P3H2: variants seen among roughly 807,000 people sequenced by gnomAD.
P3H2 encodes the protein prolyl 3-hydroxylase 2.
Under a neutral mutation model 87.0 loss-of-function variants are expected in P3H2, and 80 were observed. The ratio of observed to expected loss-of-function variants is 0.92; its 90% CI spans 0.77 to 1.11. The LOEUF is 1.11. P3H2 is among the 50% of genes least tolerant of loss of function. The pLI is 0.00. For synonymous variants in P3H2, 367 were observed against 359.3 expected (o/e 1.02, Z -0.24); for missense variants, 1,001 against 923.9 (o/e 1.08, Z -1.08).
At chr3:190,105,463 G>A (rs189152720) in intron 1 of P3H2, among the ~76,000 whole-genome samples, 12 of 152,194 alleles carry the variant, frequency 7.9e-5, no homozygotes, top group African/African-American at 2.9e-4. Context: ...ATGGTTTTGA[G>A]CCTTTTATCT....
intron 1 of P3H2, among the ~76,000 whole-genome samples, chr3:190,019,532 C>A (rs919094529): frequency 6.6e-6 from 1 of 151,638 alleles, no homozygotes; most frequent in Non-Finnish European, 1.5e-5. Context: ...TCCCTTTATC[C>A]CTATATCCAT....
At chr3:190,010,847 G>C (rs1053046089) in intron 1 of P3H2, among the ~76,000 whole-genome samples, 2 of 152,106 alleles carry the variant, frequency 1.3e-5, no homozygotes, top group African/African-American at 4.8e-5. Context: ...TCTTACACCG[G>C]AAATCACACC....
At chr3:190,104,280 A>G (rs1711746326) in intron 1 of P3H2, among the ~76,000 whole-genome samples, 1 of 152,072 alleles carries the variant, frequency 6.6e-6, no homozygotes, top group Non-Finnish European at 1.5e-5. Context: ...ACTCCAGCCA[A>G]ACAGCATGGG....
intron 1 of P3H2, among the ~76,000 whole-genome samples, chr3:190,062,255 C>T (rs1426016699): frequency 1.3e-5 from 2 of 152,134 alleles, no homozygotes. Flanking sequence ...AATCTTTCCC[C>T]CTGTATCCAT....
chr3:189,974,730 C>T (rs763793222), intron 8 of P3H2, 45 bp from the exon 9 acceptor site: 11 of 1,612,918 alleles, frequency 6.8e-6, no homozygotes, highest in East Asian at 2.2e-5. Flanking sequence ...CTCTGTCCCC[C>T]GAAAGGAAGC....
chr3:190,047,250 G>C (rs1622427), intron 1 of P3H2, among the ~76,000 whole-genome samples: 124,402 of 152,154 alleles, frequency 0.82, 51,048 homozygotes, highest in East Asian at 0.89. Context: ...ATAGCAAATG[G>C]TGACCTGACA....
chr3:190,056,865 CT>C (rs1560382118), intron 1 of P3H2, among the ~76,000 whole-genome samples: 2 of 152,248 alleles, frequency 1.3e-5, no homozygotes, highest in Non-Finnish European at 2.9e-5. Context: ...CCACACTCTA[CT>C]CAGACACTGC....
intron 1 of P3H2, among the ~76,000 whole-genome samples, chr3:190,042,814 C>T (rs1343968491): frequency 2.0e-5 from 3 of 152,166 alleles, no homozygotes; most frequent in African/African-American, 7.2e-5. Context: ...AATTTATCCC[C>T]AGAGTTCCAC....
At chr3:190,047,653 G>C (rs1725847525) in intron 1 of P3H2, among the ~76,000 whole-genome samples, 1 of 152,190 alleles carries the variant, frequency 6.6e-6, no homozygotes, top group Admixed American at 6.5e-5. Flanking sequence ...AGGACAGTAT[G>C]TTAAGGTAAA....
intron 1 of P3H2, among the ~76,000 whole-genome samples, chr3:190,050,491 G>A (rs1725944763): frequency 6.6e-6 from 1 of 152,118 alleles, no homozygotes; most frequent in South Asian, 2.1e-4. Flanking sequence ...TGCTTCTATA[G>A]ATGCAGACTT....
chr3:190,100,259 C>G (rs779714262), intron 1 of P3H2, among the ~76,000 whole-genome samples: 1 of 141,504 alleles, frequency 7.1e-6, no homozygotes, highest in Non-Finnish European at 1.5e-5. Flanking sequence ...CGCCCCCCCC[C>G]CCAAAAAAAA....
intron 1 of P3H2, among the ~76,000 whole-genome samples, chr3:189,997,296 T>C (rs775742927): frequency 4.6e-5 from 7 of 152,210 alleles, no homozygotes; most frequent in African/African-American, 7.2e-5. Flanking sequence ...GCTTTAGTCA[T>C]GGAGAATTTC....
intron 1 of P3H2, among the ~76,000 whole-genome samples, chr3:190,055,524 CTT>C (rs10553359): frequency 7.5e-4 from 91 of 121,262 alleles, no homozygotes; most frequent in Admixed American, 1.4e-3. Flanking sequence ...ATACAGAGTG[CTT>C]TTTTTTTTTT....
intron 1 of P3H2, among the ~76,000 whole-genome samples, chr3:190,017,608 G>C (rs763869378): frequency 6.6e-6 from 1 of 152,150 alleles, no homozygotes; most frequent in Non-Finnish European, 1.5e-5. Flanking sequence ...CAGCAGTACC[G>C]TTATGTGTTT....
At chr3:190,074,723 T>A (rs1214717576) in intron 1 of P3H2, among the ~76,000 whole-genome samples, 1 of 152,194 alleles carries the variant, frequency 6.6e-6, no homozygotes, top group Admixed American at 6.5e-5. Context: ...ATTGAACATC[T>A]TCTTAACCAA....
At chr3:190,029,937 G>A (rs1725200203) in intron 1 of P3H2, among the ~76,000 whole-genome samples, 1 of 151,414 alleles carries the variant, frequency 6.6e-6, no homozygotes, top group Non-Finnish European at 1.5e-5. Flanking sequence ...GGGAGGCAGA[G>A]GTTGCAGTGA....
At chr3:189,990,919 A>G (rs534744061) in intron 3 of P3H2, among the ~76,000 whole-genome samples, 15 of 152,316 alleles carry the variant, frequency 9.8e-5, no homozygotes, top group African/African-American at 3.6e-4. Flanking sequence ...GCAAATCACT[A>G]AATATTCATC....
rs750424587 is a variant in P3H2, at chr3:189,971,933, C to T, written c.1774G>A (p.Glu592Lys). Residue 592 changes from glutamate to lysine, a missense_variant, in exon 12 of 15, where the codon GAA becomes AAA. Physicochemically the swap from Glu to Lys is moderately conservative, Grantham distance 56. Transcript: ENST00000319332. ...TAAGCAGGAGGCTCCTTCCAGCATT[C>T]GTTGGCCTCTGGATCCAACAAACAG... Reference protein sequence around the residue: ...DNCLLDPEANECWKEPPAYTF... With the variant: ...DNCLLDPEANKCWKEPPAYTF... The T allele has an allele frequency of 8.1e-6, 13 of 1,613,442 alleles. No individual in the cohort carries two copies. The highest frequency in any genetic ancestry group is 1.7e-5 in the Admixed American group (1 of 60,014).
At position 190,024,320 on chromosome 3, in the gene P3H2, C is replaced by T. The variant is rs1300167851; in HGVS notation, c.481-28878G>A. On this transcript the variant is annotated intron_variant, in intron 1 of 14. Transcript: ENST00000319332. ...TTGGGAGATAGAGGCAGGTGGTTCA[C>T]GAGGTCAGGAGTTCGAGACCAGCGT... Among the ~76,000 whole-genome samples, 7 of 151,814 alleles carry T rather than the reference C, an allele frequency of 4.6e-5. No individual in the cohort carries two copies. In the East Asian group the frequency reaches 9.6e-4, roughly 21 times the overall value.
Sources: allele counts gnomAD v4.1 joint callset (sites outside exome capture counted in the v4.1 genomes callset), GRCh38; gene constraint gnomAD v4.1.1; transcripts MANE v1.5; gene names NCBI Gene and HGNC (gene_info 2026-07-23, HGNC 2026-07-21).